Variants in NELL1 observed in about 807,000 individuals in gnomAD.
NELL1 encodes protein kinase C-binding protein NELL1.
A neutral mutation model predicts 107.4 loss-of-function variants in NELL1; 76 were observed. That is an observed-to-expected ratio of 0.71 (90% CI 0.59 to 0.86). The LOEUF (loss-of-function observed/expected upper bound fraction) is 0.86, where lower values mean the gene tolerates loss of function less well. NELL1 is among the 40% of genes least tolerant of loss of function. The probability of loss-of-function intolerance (pLI) is 0.00; values close to 1 mark genes in which losing one functional copy is unlikely to be tolerated. For missense variants in NELL1, 1,024 were observed against 1,005.5 expected (o/e 1.02, Z -0.25); for synonymous variants, 353 against 341.2 (o/e 1.03, Z -0.38).
intron 14 of NELL1, among the ~76,000 whole-genome samples, chr11:21,289,550 C>T (rs1849203262): frequency 1.3e-5 from 2 of 149,082 alleles, no homozygotes; most frequent in South Asian, 4.1e-4. Context: ...GCCTGTATCA[C>T]CAGGCCCTGG....
chr11:21,564,144 G>T (rs913373621), intron 17 of NELL1, among the ~76,000 whole-genome samples: 10 of 151,912 alleles, frequency 6.6e-5, no homozygotes, highest in Admixed American at 2.6e-4. Context: ...GAATTGGCAG[G>T]GCCCAGTCAA....
intron 3 of NELL1, among the ~76,000 whole-genome samples, chr11:20,785,672 A>T (rs1856938619): frequency 6.6e-6 from 1 of 152,342 alleles, no homozygotes; most frequent in South Asian, 2.1e-4. Context: ...TGGAGGCTGG[A>T]GTTCCAGTTC....
At chr11:20,947,302 A>T in intron 10 of NELL1, 34 bp from the exon 11 acceptor site, 1 of 1,436,876 alleles carries the variant, frequency 7.0e-7, no homozygotes. Flanking sequence ...AAAAATGTGA[A>T]CATCTTTTTC....
At chr11:21,501,699 G>A (rs1486708087) in intron 15 of NELL1, among the ~76,000 whole-genome samples, 2 of 152,204 alleles carry the variant, frequency 1.3e-5, no homozygotes, top group Non-Finnish European at 2.9e-5. Flanking sequence ...TTACTTTGCA[G>A]CTGATAATGC....
chr11:21,080,360 T>C (rs543032774), intron 12 of NELL1, among the ~76,000 whole-genome samples: 102 of 152,266 alleles, frequency 6.7e-4, no homozygotes, highest in African/African-American at 2.3e-3. Context: ...GTCCTTTTCA[T>C]GATCTGGCAT....
At chr11:20,881,996 A>G (rs530255686) in intron 4 of NELL1, among the ~76,000 whole-genome samples, 15 of 152,194 alleles carry the variant, frequency 9.9e-5, no homozygotes, top group Non-Finnish European at 1.9e-4. Flanking sequence ...CAAGGAGTTC[A>G]CTATATTAGC....
chr11:21,342,667 A>G (rs1325606712), intron 14 of NELL1, among the ~76,000 whole-genome samples: 2 of 147,378 alleles, frequency 1.4e-5, no homozygotes, highest in African/African-American at 2.5e-5. Context: ...AAGAAAAAGA[A>G]AAAGAAAAGA....
At position 21,433,384 on chromosome 11, in the gene NELL1, G is replaced by T. The variant is rs149182779; in HGVS notation, c.1645+62436G>T. ...TGTTATAATGATTTTATTTCCTTTG[G>T]ATAAATACCCAGTATTGGGAATGCT... On this transcript the variant is annotated intron_variant, in intron 15 of 19. Transcript: ENST00000357134. Among the ~76,000 whole-genome samples, 289 of 152,182 alleles carry T rather than the reference G, an allele frequency of 1.9e-3. 1 individual carries two copies. Among genetic ancestry groups the T allele is most frequent in the African/African-American group, 6.9e-3 (286 of 41,528 alleles).
rs565394728 is a variant in NELL1, at chr11:21,546,474, T to C, written c.1786+11960T>C. On this transcript the variant is annotated intron_variant, in intron 16 of 19. Coordinates refer to ENST00000357134, the MANE Select transcript of NELL1 (RefSeq NM_006157.5). ...TGAATTGTAGCTTCAATAATCCCCA[T>C]GTGTCATGGGAGGGAACCAGTGGGA... 2.9e-4 allele frequency among the ~76,000 whole-genome samples: 44 copies of C among 152,072 alleles called. No homozygotes were observed. The South Asian group carries it at 6.6e-3, about 23-fold the overall frequency.
chr11:21,557,494 C>A (rs1302918008), intron 16 of NELL1, among the ~76,000 whole-genome samples: 1 of 151,994 alleles, frequency 6.6e-6, no homozygotes, highest in Non-Finnish European at 1.5e-5. Flanking sequence ...AAATTACCAA[C>A]CCTTTTGTAG....
intron 14 of NELL1, among the ~76,000 whole-genome samples, chr11:21,365,816 T>A (rs1590872317): frequency 6.7e-6 from 1 of 149,680 alleles, no homozygotes; most frequent in Non-Finnish European, 1.5e-5. Context: ...GGGGGAGAGG[T>A]TGAGGGGGGA....
At chr11:21,165,670 C>T (rs1305638918) in intron 13 of NELL1, among the ~76,000 whole-genome samples, 1 of 151,590 alleles carries the variant, frequency 6.6e-6, no homozygotes, top group Non-Finnish European at 1.5e-5. Context: ...TGGAAGATAC[C>T]TAAGTGTCTG....
intron 12 of NELL1, among the ~76,000 whole-genome samples, chr11:21,098,210 C>A (rs1854699649): frequency 6.6e-6 from 1 of 152,112 alleles, no homozygotes; most frequent in African/African-American, 2.4e-5. Flanking sequence ...ATTATTTTTC[C>A]AGGTATTCTT....
intron 3 of NELL1, among the ~76,000 whole-genome samples, chr11:20,804,946 A>C (rs1410134377): frequency 1.3e-5 from 2 of 152,230 alleles, no homozygotes; most frequent in East Asian, 3.8e-4. Flanking sequence ...TGCTTTACAC[A>C]TCTGGGTGTT....
At chr11:20,950,764 AG>A (rs1379932912) in intron 11 of NELL1, among the ~76,000 whole-genome samples, 2 of 152,220 alleles carry the variant, frequency 1.3e-5, no homozygotes, top group Non-Finnish European at 2.9e-5. Flanking sequence ...GCAAGGAAGC[AG>A]AGAGGTGGGA....
chr11:20,898,953 A>C (rs1025309105), intron 5 of NELL1, among the ~76,000 whole-genome samples: 1 of 152,094 alleles, frequency 6.6e-6, no homozygotes, highest in African/African-American at 2.4e-5. Flanking sequence ...TTGTGTAACT[A>C]TCTGTATATA....
intron 2 of NELL1, among the ~76,000 whole-genome samples, chr11:20,768,965 A>G (rs327026): frequency 0.86 from 131,096 of 152,172 alleles, 56,507 homozygotes; most frequent in East Asian, 0.94. Context: ...TAATAAAGCA[A>G]CTCTTTGAGG....
chr11:20,891,061 G>A (rs1264544298), intron 5 of NELL1, among the ~76,000 whole-genome samples: 1 of 152,128 alleles, frequency 6.6e-6, no homozygotes, highest in Non-Finnish European at 1.5e-5. Flanking sequence ...ATGATCATCA[G>A]CTTCACGAAG....
At position 21,438,367 on chromosome 11, in the gene NELL1, A is replaced by G. The variant is rs140779494; in HGVS notation, c.1645+67419A>G. On this transcript the variant is annotated intron_variant, in intron 15 of 19. Coordinates refer to ENST00000357134, the MANE Select transcript of NELL1 (RefSeq NM_006157.5). Reference sequence around the variant, plus strand: ...GTTAGTCTGATAGGTATTGTTTTCTATGTGACTTGATGGCCTTCGTTGCTA... The same window carrying G: ...GTTAGTCTGATAGGTATTGTTTTCTGTGTGACTTGATGGCCTTCGTTGCTA... Among the ~76,000 whole-genome samples the G allele has an allele frequency of 7.9e-5, 12 of 151,984 alleles. No individual in the cohort carries two copies. The East Asian group carries it at 2.3e-3, about 29-fold the overall frequency.
Sources: gnomAD v4.1 joint callset for allele counts (sites outside exome capture counted in the v4.1 genomes callset) on GRCh38, gnomAD v4.1.1 for gene constraint, MANE v1.5 for transcripts, NCBI Gene and HGNC (gene_info 2026-07-23, HGNC 2026-07-21) for gene names.